The following ORC2 variants were observed in gnomAD, a reference collection of about 807,000 sequenced individuals.
The protein encoded by ORC2 is origin recognition complex protein 2 homolog.
In ORC2, 37 loss-of-function variants were observed where a neutral mutation model predicts 77.7. The observed-to-expected ratio is 0.48, with a 90% CI of 0.37 to 0.63. The LOEUF (loss-of-function observed/expected upper bound fraction) is 0.63, where lower values mean the gene tolerates loss of function less well. Among genes scored for constraint, ORC2 ranks in the 20% least tolerant of loss-of-function variants. ORC2 has a pLI of 0.00. For synonymous variants in ORC2, 201 were observed against 229.5 expected (o/e 0.88, Z 1.12); for missense variants, 557 against 661.9 (o/e 0.84, Z 1.74).
chr2:200,961,987 T>C (rs917691352), intron 1 of ORC2, among the ~76,000 whole-genome samples: 1 of 152,246 alleles, frequency 6.6e-6, no homozygotes, highest in Non-Finnish European at 1.5e-5. Context: ...GCAATTTCCC[T>C]ATGGTATTCT....
chr2:200,929,867 A>C (rs1013060944), intron 11 of ORC2, among the ~76,000 whole-genome samples: 3 of 152,146 alleles, frequency 2.0e-5, no homozygotes, highest in Non-Finnish European at 4.4e-5. Flanking sequence ...ACATTCAGTC[A>C]TTCACTCTGC....
At chr2:200,950,945 C>G (rs989574742) in intron 4 of ORC2, among the ~76,000 whole-genome samples, 2 of 152,120 alleles carry the variant, frequency 1.3e-5, no homozygotes, top group Admixed American at 1.3e-4. Context: ...CATTTTTTTA[C>G]AGGTTTCTTC....
chr2:200,954,225 G>A (rs942713760), intron 4 of ORC2, among the ~76,000 whole-genome samples: 3 of 151,850 alleles, frequency 2.0e-5, no homozygotes, highest in Non-Finnish European at 4.4e-5. Context: ...GTAGAGACAC[G>A]GTTTCGCCAT....
intron 15 of ORC2, among the ~76,000 whole-genome samples, chr2:200,919,296 T>C (rs1276965987): frequency 2.6e-5 from 4 of 152,260 alleles, no homozygotes; most frequent in African/African-American, 7.2e-5. Context: ...TTCTATAATT[T>C]TATGCTTTTG....
intron 17 of ORC2, among the ~76,000 whole-genome samples, chr2:200,911,757 T>G (rs987898114): frequency 6.6e-6 from 1 of 152,176 alleles, no homozygotes; most frequent in Non-Finnish European, 1.5e-5. Flanking sequence ...TACATTCAAG[T>G]GTGTCCAATT....
At chr2:200,916,121 T>C (rs1460913789) in intron 15 of ORC2, among the ~76,000 whole-genome samples, 1 of 152,102 alleles carries the variant, frequency 6.6e-6, no homozygotes, top group Non-Finnish European at 1.5e-5. Flanking sequence ...CAAGCAAAAT[T>C]TCAAAATAGT....
chr2:200,960,269 C>T (rs11887561), intron 1 of ORC2, among the ~76,000 whole-genome samples: 4,697 of 152,092 alleles, frequency 0.031, 259 homozygotes, highest in African/African-American at 0.11. Flanking sequence ...TGAGCCACCA[C>T]ACCAGGTCAA....
At chr2:200,949,960 T>C (rs550359676) in intron 4 of ORC2, among the ~76,000 whole-genome samples, 2 of 152,210 alleles carry the variant, frequency 1.3e-5, no homozygotes, top group East Asian at 3.9e-4. Context: ...AAAGGGAGTT[T>C]TTTGGTTATA....
In ORC2 at chr2:200,931,360, T is replaced by C; in HGVS notation, c.896A>G (p.His299Arg). ...TTACTGTAATTGCAGCATCCATTTA[T>C]GAAATAATTTTTCATACTGTTGATT... ...QLNQQYEKLFHKWMLQLHLGF... is the reference protein window; with the variant it reads ...QLNQQYEKLFRKWMLQLHLGF... The change falls in exon 11 of 18, where the codon CAT (histidine) becomes CGT (arginine). Residue 299 changes from histidine (H) to arginine (R), a missense_variant. His to Arg is a conservative substitution (Grantham distance 29). Coordinates refer to ENST00000234296, the MANE Select transcript of ORC2 (RefSeq NM_006190.5). 32 of 1,467,272 alleles carry C rather than the reference T, an allele frequency of 2.2e-5. No individual in the cohort carries two copies. The highest frequency in any genetic ancestry group is 2.9e-5 in the Non-Finnish European group (32 of 1,086,874). The allele number at this position is 1,467,272 out of a possible 1,614,324, so 90.9% of individuals were successfully genotyped here. A position where few individuals can be genotyped will look rare whatever the true frequency, so the allele number is the denominator to read the frequency against.
chr2:200,916,412 G>A (rs763535968), intron 15 of ORC2, among the ~76,000 whole-genome samples: 134 of 152,090 alleles, frequency 8.8e-4, no homozygotes, highest in Non-Finnish European at 1.4e-3. Flanking sequence ...TTAAACCCCA[G>A]AGAGGGAGGT....
intron 15 of ORC2, among the ~76,000 whole-genome samples, chr2:200,918,079 A>G (rs928466230): frequency 1.3e-5 from 2 of 152,130 alleles, no homozygotes; most frequent in African/African-American, 2.4e-5. Flanking sequence ...TGAATGCTAT[A>G]TATTTTATAT....
Position 200,926,810 on chromosome 2 carries a change from G to T in ORC2, c.1008C>A (p.His336Gln), listed in dbSNP as rs758680211. The stretch of plus-strand genomic sequence containing the variant: ...CAGGAAAGAAGCCATTGATGACAAC[G>T]TGAATGGAATCTTGCAGCATAGTGG... ...FRTTMLQDSI[H>Q]VVINGFFPGI... The change falls in exon 12 of 18, where the codon CAC (histidine) becomes CAA (glutamine). Residue 336 changes from histidine to glutamine, a missense_variant. By Grantham distance (24) the His-to-Gln change is conservative. Coordinates refer to ENST00000234296, the MANE Select transcript of ORC2 (RefSeq NM_006190.5). The T allele has an allele frequency of 1.2e-6, 2 of 1,613,754 alleles. No homozygotes were observed. Among genetic ancestry groups the T allele is most frequent in the Admixed American group, 1.7e-5 (1 of 60,010 alleles).
At position 200,913,227 on chromosome 2, in the gene ORC2, T is replaced by C. The variant is rs2040580878; in HGVS notation, c.1647+68A>G. 3 of 1,194,842 alleles carry C rather than the reference T, an allele frequency of 2.5e-6. 1 individual carries two copies. The highest frequency in any genetic ancestry group is 4.4e-5 in the Admixed American group (2 of 45,870). 74.0% of individuals were successfully genotyped at this position (1,194,842 alleles called of 1,614,324 possible). A position where few individuals can be genotyped will look rare whatever the true frequency, so the allele number is the denominator to read the frequency against. On this transcript the variant is annotated intron_variant, in intron 17 of 17. Coordinates refer to ENST00000234296, the MANE Select transcript of ORC2 (RefSeq NM_006190.5). Reference sequence around the variant, plus strand: ...TTCAAAATCAGGTCTAAGTCAAACATATATGTGTCCTTAAGTAAATGATAC... The same window carrying C: ...TTCAAAATCAGGTCTAAGTCAAACACATATGTGTCCTTAAGTAAATGATAC...
Position 200,913,973 on chromosome 2 carries a change from TTAG to T in ORC2, c.1483_1485del (p.Leu495del). ...TCCTGGTTGTCCAGCTGGTATTTTA[TTAG>T]TAGCCTGAAAATTCCCCTAAAAAAA... is the stretch of plus-strand genomic sequence containing the variant. On this transcript the variant is annotated inframe_deletion, in exon 16 of 18. Coordinates refer to ENST00000234296, the MANE Select transcript of ORC2 (RefSeq NM_006190.5). The T allele has an allele frequency of 6.3e-7, 1 of 1,584,192 alleles. No homozygotes were observed.
chr2:200,927,736 C>T (rs1339415399), intron 11 of ORC2, among the ~76,000 whole-genome samples: 152 of 150,290 alleles, frequency 1.0e-3, no homozygotes, highest in Admixed American at 4.4e-3. Context: ...TTCGCTCTGT[C>T]GCCCAGGCTG....
chr2:200,937,815 A>G, intron 8 of ORC2, 91 bp downstream of exon 8: 1 of 783,302 alleles, frequency 1.3e-6, no homozygotes, highest in Non-Finnish European at 2.1e-6. Flanking sequence ...AACACCAAGC[A>G]GTCTAAGTCT....
At chr2:200,939,999 C>T (rs1362798858) in intron 7 of ORC2, among the ~76,000 whole-genome samples, 1 of 152,184 alleles carries the variant, frequency 6.6e-6, no homozygotes, top group East Asian at 1.9e-4. Flanking sequence ...CATTCCTGCA[C>T]AGGCCATAAC....
intron 8 of ORC2, among the ~76,000 whole-genome samples, chr2:200,936,199 C>T (rs995885587): frequency 3.0e-4 from 45 of 152,202 alleles, no homozygotes; most frequent in African/African-American, 1.1e-3. Context: ...GTTCTCCTTC[C>T]CTCTTCCTTG....
chr2:200,949,693 C>A (rs746230157), intron 4 of ORC2, 50 bp from the exon 5 acceptor site: 1 of 1,130,178 alleles, frequency 8.8e-7, no homozygotes, highest in South Asian at 1.4e-5. Context: ...ACAAAATTAA[C>A]AGAAAAAAAT....
Sources: allele counts gnomAD v4.1 joint callset (sites outside exome capture counted in the v4.1 genomes callset), GRCh38; gene constraint gnomAD v4.1.1; transcripts MANE v1.5; gene names NCBI Gene and HGNC (gene_info 2026-07-23, HGNC 2026-07-21).